Variants in FAM228B observed in about 807,000 individuals in gnomAD.
FAM228B encodes family with sequence similarity 228 member B, also known as protein FAM228B.
A neutral mutation model predicts 42.6 loss-of-function variants in FAM228B; 38 were observed. The observed-to-expected ratio is 0.89, with a 90% CI of 0.69 to 1.17. The LOEUF (loss-of-function observed/expected upper bound fraction) is 1.17, where lower values mean the gene tolerates loss of function less well. Ranked by LOEUF, FAM228B falls within the 50% of genes most tolerant of loss-of-function variation. The pLI is 0.00. For synonymous variants in FAM228B, 109 were observed against 122.3 expected, an observed-to-expected ratio of 0.89 and a Z score of 0.72; for missense variants, 344 against 367.3, an observed-to-expected ratio of 0.94 and a Z score of 0.52.
At chr2:24,127,920 C>G (rs999669287) in intron 2 of FAM228B, among the ~76,000 whole-genome samples, 2 of 152,120 alleles carry the variant, frequency 1.3e-5, no homozygotes, top group African/African-American at 4.8e-5. Flanking sequence ...GCCTTGGCCT[C>G]CCAAAGTGAT....
rs949567891 is a variant in FAM228B at position 24,080,043 on chromosome 2, A to C, written c.-289-833A>C. On this transcript the variant is annotated intron_variant, in intron 1 of 10. Coordinates refer to the FAM228B transcript ENST00000613899. This position sits in a 1 kb window ranked among gnomAD's most constrained non-coding sequence, Gnocchi z 4.7. ...TCATAGGCTTTCTAGCTTTGGTTTC[A>C]TCTCTCCTTTTCTACTCACATAAAA... Among the ~76,000 whole-genome samples the C allele has an allele frequency of 4.6e-5, 7 of 152,156 alleles. No individual in the cohort carries two copies. The highest frequency in any genetic ancestry group is 1.0e-4 in the Non-Finnish European group (7 of 68,026).
intron 7 of FAM228B, among the ~76,000 whole-genome samples, chr2:24,160,040 G>C (rs1667251841): frequency 2.0e-5 from 3 of 150,274 alleles, no homozygotes; most frequent in African/African-American, 7.3e-5. Flanking sequence ...CCAGAGTGGA[G>C]TGCAGTGGCG....
intron 1 of FAM228B, chr2:24,079,325 G>A (rs574540442): frequency 3.7e-6 from 4 of 1,077,120 alleles, no homozygotes; most frequent in African/African-American, 1.6e-5. Context: ...CAGAGGGGGA[G>A]GTTTCTTCAT....
chr2:24,163,730 G>A (rs889949903), intron 8 of FAM228B, among the ~76,000 whole-genome samples: 9 of 152,186 alleles, frequency 5.9e-5, no homozygotes, highest in Non-Finnish European at 1.3e-4. Flanking sequence ...CGAGACCCAC[G>A]TGTGAAGGAG....
chr2:24,160,100 A>G (rs1236624904), intron 7 of FAM228B, among the ~76,000 whole-genome samples: 1 of 142,486 alleles, frequency 7.0e-6, no homozygotes. Flanking sequence ...GTGATTCCCC[A>G]CTCCTTGGCT....
chr2:24,141,495 C>T (rs529926978), intron 5 of FAM228B, among the ~76,000 whole-genome samples: 37 of 151,950 alleles, frequency 2.4e-4, no homozygotes, highest in Admixed American at 1.8e-3. Flanking sequence ...CCACCCGCCT[C>T]GACCTCCCAA....
intron 9 of FAM228B, among the ~76,000 whole-genome samples, chr2:24,164,630 C>T (rs1412295497): frequency 1.3e-5 from 2 of 151,742 alleles, no homozygotes; most frequent in African/African-American, 4.8e-5. Flanking sequence ...GTGGGCCACG[C>T]TGTCCAGGAT....
intron 2 of FAM228B, among the ~76,000 whole-genome samples, chr2:24,089,893 C>T (rs1573729800): frequency 6.7e-6 from 1 of 148,496 alleles, no homozygotes; most frequent in African/African-American, 2.5e-5. Context: ...GAGAATCACT[C>T]GAGGCAGAGG....
At chr2:24,083,730 G>C (rs1424809042) in intron 2 of FAM228B, among the ~76,000 whole-genome samples, 1 of 152,188 alleles carries the variant, frequency 6.6e-6, no homozygotes, top group Non-Finnish European at 1.5e-5. Context: ...ACTGCCCGCT[G>C]TCAGCTCCGG....
Position 24,161,454 on chromosome 2 carries a change from C to T in FAM228B, c.687-52C>T, listed in dbSNP as rs1445415991. On this transcript the variant is annotated intron_variant, in intron 7 of 10. Coordinates refer to ENST00000615575, the MANE Select transcript of FAM228B (RefSeq NM_001145710.2). ...GCAACAGAGATCTTGTCTCAAAAAA[C>T]AACAATAAAAAAGAACAAAAAAACC... The T allele has an allele frequency of 2.7e-6, 3 of 1,106,336 alleles. No homozygotes were observed. In the African/African-American group the frequency reaches 4.7e-5, roughly 17 times the overall value. The allele number at this position is 1,106,336 out of a possible 1,614,324, so 68.5% of individuals were successfully genotyped here.
chr2:24,093,463 C>T (rs1665431682), intron 2 of FAM228B, among the ~76,000 whole-genome samples: 1 of 152,100 alleles, frequency 6.6e-6, no homozygotes, highest in South Asian at 2.1e-4. Context: ...CATCCATGTC[C>T]CTGCAAAGGA....
intron 2 of FAM228B, among the ~76,000 whole-genome samples, chr2:24,127,699 A>G (rs72797817): frequency 0.17 from 25,072 of 151,232 alleles, 2,204 homozygotes; most frequent in South Asian, 0.21. Flanking sequence ...GTCTCACTCT[A>G]TCACCCGGGT....
chr2:24,093,618 G>A (rs994793044), intron 2 of FAM228B, among the ~76,000 whole-genome samples: 1 of 137,254 alleles, frequency 7.3e-6, no homozygotes, highest in African/African-American at 2.6e-5. Context: ...ACATATGTGT[G>A]CATTTTTTTT....
intron 2 of FAM228B, among the ~76,000 whole-genome samples, chr2:24,090,185 G>A (rs557507577): frequency 1.3e-5 from 2 of 151,378 alleles, no homozygotes; most frequent in Non-Finnish European, 2.9e-5. Context: ...GGAGAATGGC[G>A]TGAACCCGGG....
At chr2:24,143,349 TTTGTTGTTG>T (rs769539384) in intron 5 of FAM228B, among the ~76,000 whole-genome samples, 1 of 151,960 alleles carries the variant, frequency 6.6e-6, no homozygotes, top group Non-Finnish European at 1.5e-5. Context: ...CCCGGCTAAT[TTTGTTGTTG>T]TTGTTGTTGT....
chr2:24,114,293 T>C (rs1355938276), intron 3 of FAM228B, among the ~76,000 whole-genome samples: 1 of 152,136 alleles, frequency 6.6e-6, no homozygotes, highest in East Asian at 1.9e-4. Flanking sequence ...TTTCCCAATC[T>C]CCTGAGATCG....
At chr2:24,152,955 T>G (rs954762338) in intron 7 of FAM228B, among the ~76,000 whole-genome samples, 4 of 151,958 alleles carry the variant, frequency 2.6e-5, no homozygotes, top group African/African-American at 7.3e-5. Context: ...CAGAGAATCC[T>G]CTCCCTGTGG....
At chr2:24,106,714 G>A (rs1246563941) in intron 3 of FAM228B, among the ~76,000 whole-genome samples, 5 of 151,768 alleles carry the variant, frequency 3.3e-5, no homozygotes, top group South Asian at 2.1e-4. Flanking sequence ...ATGATTTTCC[G>A]ACAAGCAAAT....
intron 5 of FAM228B, among the ~76,000 whole-genome samples, chr2:24,141,401 G>A (rs1230179996): frequency 1.3e-5 from 2 of 152,214 alleles, no homozygotes; most frequent in African/African-American, 2.4e-5. Flanking sequence ...CCACCACCAC[G>A]CCTGGCTAAT....
Sources: allele counts gnomAD v4.1 joint callset (sites outside exome capture counted in the v4.1 genomes callset), GRCh38; gene constraint gnomAD v4.1.1; non-coding constraint Gnocchi (gnomAD v3.1); transcripts MANE v1.5; gene names NCBI Gene and HGNC (gene_info 2026-07-23, HGNC 2026-07-21).